The following FARS2 variants were observed in gnomAD, a reference collection of about 807,000 sequenced individuals.
FARS2 encodes the protein phenylalanyl-tRNA synthetase 2, mitochondrial, also known as phenylalanine--tRNA ligase, mitochondrial.
Under a neutral mutation model 46.4 loss-of-function variants are expected in FARS2, and 40 were observed. The observed-to-expected ratio is 0.86, with a 90% CI of 0.67 to 1.12. FARS2 has a LOEUF of 1.12. Among genes scored for constraint, FARS2 ranks in the 50% most tolerant of loss-of-function variants. FARS2 has a pLI of 0.00. For synonymous variants in FARS2, 234 were observed against 214.9 expected, an observed-to-expected ratio of 1.09 and a Z score of -0.78; for missense variants, 513 against 567.9, an observed-to-expected ratio of 0.90 and a Z score of 0.98.
intron 6 of FARS2, among the ~76,000 whole-genome samples, chr6:5,633,951 T>G (rs1021062373): frequency 6.6e-6 from 1 of 152,214 alleles, no homozygotes; most frequent in African/African-American, 2.4e-5. Flanking sequence ...AGTTGTTATC[T>G]GCCTTTTATT....
chr6:5,542,267 C>A (rs182817864), intron 4 of FARS2, among the ~76,000 whole-genome samples: 13 of 152,282 alleles, frequency 8.5e-5, no homozygotes, highest in Non-Finnish European at 1.8e-4. Flanking sequence ...AAGATGGAGT[C>A]ACTCTGGTTC....
intron 4 of FARS2, among the ~76,000 whole-genome samples, chr6:5,534,096 A>C (rs1241124596): frequency 6.6e-6 from 1 of 152,216 alleles, no homozygotes. Context: ...GCTGAAGTCC[A>C]TTGAAATGAT....
chr6:5,440,239 ACC>A (rs1374674593), intron 4 of FARS2, among the ~76,000 whole-genome samples: 17 of 152,210 alleles, frequency 1.1e-4, no homozygotes, highest in African/African-American at 3.6e-4. Flanking sequence ...TGTCAGATAT[ACC>A]TACATATAGA....
chr6:5,465,829 T>C (rs1307176630), intron 4 of FARS2, among the ~76,000 whole-genome samples: 2 of 152,156 alleles, frequency 1.3e-5, no homozygotes, highest in Admixed American at 6.5e-5. Context: ...AATTTGAACT[T>C]ATATAACATA....
chr6:5,428,625 C>T (rs2127763501), intron 3 of FARS2, among the ~76,000 whole-genome samples: 1 of 151,728 alleles, frequency 6.6e-6, no homozygotes, highest in African/African-American at 2.4e-5. Context: ...TGTCCCAAGA[C>T]CTCACATATT....
intron 1 of FARS2, among the ~76,000 whole-genome samples, chr6:5,340,049 TTTTC>T (rs1278345504): frequency 6.6e-6 from 1 of 152,248 alleles, no homozygotes; most frequent in Non-Finnish European, 1.5e-5. Context: ...TCCGTTTGAT[TTTTC>T]TTTAACAATA....
At position 5,372,369 on chromosome 6, in the gene FARS2, T is replaced by C. The variant is rs1211481589; in HGVS notation, c.612+3187T>C. 2.6e-5 allele frequency among the ~76,000 whole-genome samples: 4 copies of C among 152,284 alleles called. No homozygotes were observed. In the East Asian group the frequency reaches 7.7e-4, roughly 29 times the overall value. ...ATACACAATTATATATGTATATGTG[T>C]ATAAACACACATGCAGAACCATGCA... On this transcript the variant is annotated intron_variant, in intron 2 of 6. Coordinates refer to ENST00000274680, the MANE Select transcript of FARS2 (RefSeq NM_006567.5).
intron 4 of FARS2, among the ~76,000 whole-genome samples, chr6:5,459,889 T>A (rs1765141511): frequency 6.6e-6 from 1 of 152,178 alleles, no homozygotes; most frequent in Non-Finnish European, 1.5e-5. Context: ...ATGTTCGTAT[T>A]GCTGCTCCTT....
At chr6:5,392,877 A>G (rs1760641444) in intron 2 of FARS2, among the ~76,000 whole-genome samples, 7 of 147,140 alleles carry the variant, frequency 4.8e-5, no homozygotes, top group Admixed American at 6.9e-5. Context: ...TATTATATAT[A>G]TGTATATATA....
At chr6:5,391,383 G>A (rs1333499766) in intron 2 of FARS2, among the ~76,000 whole-genome samples, 1 of 152,164 alleles carries the variant, frequency 6.6e-6, no homozygotes, top group Non-Finnish European at 1.5e-5. Flanking sequence ...TAGTATGTAA[G>A]ATAAGCACTC....
rs73360299 is a variant in FARS2, at chr6:5,642,373, T to C, written c.1217+29053T>C. Among the ~76,000 whole-genome samples the C allele has an allele frequency of 4.4e-3, 672 of 152,318 alleles. 6 individuals are homozygous for C. Among genetic ancestry groups the C allele is most frequent in the African/African-American group, 0.016 (653 of 41,562 alleles). On this transcript the variant is annotated intron_variant, in intron 6 of 6. Transcript: ENST00000274680. The stretch of plus-strand genomic sequence containing the variant: ...GAGCACTGTAAATCCCCAATAGGAC[T>C]TTTTTGTTAAGTTTCTTGTCTAAGC...
At chr6:5,266,508 A>C (rs1255875948) in intron 1 of FARS2, among the ~76,000 whole-genome samples, 3 of 152,112 alleles carry the variant, frequency 2.0e-5, no homozygotes, top group Non-Finnish European at 4.4e-5. Flanking sequence ...TCAATAAAAT[A>C]GAATAAAAAA....
At chr6:5,260,753 A>C (rs778946275), upstream of FARS2, 12 of 1,541,988 alleles carry the variant, frequency 7.8e-6, no homozygotes, top group South Asian at 1.3e-4. Context: ...AAAAAAAAAT[A>C]AACGGGTCCT....
rs534247163 is a variant in FARS2, at chr6:5,716,083, T to C, written c.1218-55208T>C. ...GGCCAGTAATATTGAGAGTTTTTCA[T>C]GTGCTTATTTTTCCAGCTATTCTTT... is the stretch of plus-strand genomic sequence containing the variant. On this transcript the variant is annotated intron_variant, in intron 6 of 6. Transcript: ENST00000274680. Among the ~76,000 whole-genome samples the C allele has an allele frequency of 1.4e-4, 21 of 152,368 alleles. 1 individual carries two copies. Among genetic ancestry groups the C allele is most frequent in the African/African-American group, 4.6e-4 (19 of 41,590 alleles).
At chr6:5,322,292 A>C (rs181568966) in intron 1 of FARS2, among the ~76,000 whole-genome samples, 2 of 152,238 alleles carry the variant, frequency 1.3e-5, no homozygotes, top group African/African-American at 4.8e-5. Context: ...TTTTAATAAC[A>C]CTGGATAGTT....
intron 4 of FARS2, among the ~76,000 whole-genome samples, chr6:5,448,726 T>G (rs867901383): frequency 6.6e-6 from 1 of 152,262 alleles, no homozygotes. Context: ...GTGGAATTGC[T>G]AAATCACACA....
rs1756985522 is a variant in FARS2 at position 5,343,120 on chromosome 6, A to G, written c.-21-25430A>G. On this transcript the variant is annotated intron_variant, in intron 1 of 6. Transcript: ENST00000274680. The surrounding 1 kb of genome is among the most constrained non-coding windows in gnomAD (Gnocchi z 4.5). ...ATATCTCCTTACAGTTAATAATGGT[A>G]GTAATAATTTATTTTACCGATTAGA... Among the ~76,000 whole-genome samples, 1 of 152,224 alleles carries G rather than the reference A, an allele frequency of 6.6e-6. No homozygotes were observed. Among genetic ancestry groups the G allele is most frequent in the Admixed American group, 6.5e-5 (1 of 15,282 alleles).
chr6:5,620,062 G>C (rs943372244), intron 6 of FARS2, among the ~76,000 whole-genome samples: 1 of 151,902 alleles, frequency 6.6e-6, no homozygotes, highest in African/African-American at 2.4e-5. Context: ...GTCATCCCTT[G>C]GTCTTGGGGA....
chr6:5,275,382 T>C (rs1766264862), intron 1 of FARS2, among the ~76,000 whole-genome samples: 1 of 152,232 alleles, frequency 6.6e-6, no homozygotes, highest in South Asian at 2.1e-4. Flanking sequence ...CATCTTGTTC[T>C]TTACCTTAAC....
Sources: gnomAD v4.1 joint callset for allele counts (sites outside exome capture counted in the v4.1 genomes callset) on GRCh38, gnomAD v4.1.1 for gene constraint, Gnocchi (gnomAD v3.1) non-coding constraint, MANE v1.5 for transcripts, NCBI Gene and HGNC (gene_info 2026-07-23, HGNC 2026-07-21) for gene names.